The following ZNRF1 variants were observed in gnomAD, a reference collection of about 807,000 sequenced individuals.
ZNRF1 encodes E3 ubiquitin-protein ligase ZNRF1.
Under a neutral mutation model 18.4 loss-of-function variants are expected in ZNRF1, and 3 were observed. The observed-to-expected ratio is 0.16, with a 90% CI of 0.07 to 0.42. ZNRF1 has a LOEUF of 0.42. ZNRF1 is among the 10% of genes least tolerant of loss of function. The probability of loss-of-function intolerance (pLI) is 0.99; values close to 1 mark genes in which losing one functional copy is unlikely to be tolerated. For missense variants in ZNRF1, 310 were observed against 329.8 expected (o/e 0.94, Z 0.47); for synonymous variants, 157 against 144.2 (o/e 1.09, Z -0.64).
chr16:75,032,328 T>G (rs767374734), intron 1 of ZNRF1, among the ~76,000 whole-genome samples: 1 of 151,790 alleles, frequency 6.6e-6, no homozygotes, highest in Admixed American at 6.6e-5. Context: ...AGGCTGGTCT[T>G]GAACTCCTGA....
intron 1 of ZNRF1, among the ~76,000 whole-genome samples, chr16:75,063,621 A>G (rs1355339880): frequency 3.3e-5 from 5 of 152,236 alleles, no homozygotes; most frequent in Non-Finnish European, 7.3e-5. Context: ...ATCAAGGAAG[A>G]CACTGCGGGT....
intron 1 of ZNRF1, among the ~76,000 whole-genome samples, chr16:75,015,374 G>A (rs772497005): frequency 3.9e-5 from 6 of 152,094 alleles, no homozygotes; most frequent in Admixed American, 1.3e-4. Context: ...GAGGCGGTTC[G>A]AGACCAGCTT....
chr16:75,098,028 G>A (rs960056101), intron 2 of ZNRF1, among the ~76,000 whole-genome samples: 21 of 152,196 alleles, frequency 1.4e-4, no homozygotes, highest in African/African-American at 5.1e-4. Context: ...CCTTGCTTGG[G>A]GCATTGCCCA....
At chr16:75,028,388 G>T (rs1370700051) in intron 1 of ZNRF1, among the ~76,000 whole-genome samples, 1 of 152,150 alleles carries the variant, frequency 6.6e-6, no homozygotes, top group Non-Finnish European at 1.5e-5. Flanking sequence ...CTGTCTCCTG[G>T]GTTCAAGTGA....
chr16:75,100,407 C>T (rs867449700), intron 2 of ZNRF1, among the ~76,000 whole-genome samples: 1 of 152,222 alleles, frequency 6.6e-6, no homozygotes, highest in African/African-American at 2.4e-5. Flanking sequence ...TTCCCTTTCC[C>T]CTAGTGAGGT....
chr16:75,024,869 T>C (rs1396289562), intron 1 of ZNRF1, among the ~76,000 whole-genome samples: 3 of 152,220 alleles, frequency 2.0e-5, no homozygotes, highest in Non-Finnish European at 2.9e-5. Context: ...TAAACATTAA[T>C]GTAGAAAGCG....
At chr16:75,045,939 G>A (rs772187790) in intron 1 of ZNRF1, among the ~76,000 whole-genome samples, 10 of 151,556 alleles carry the variant, frequency 6.6e-5, no homozygotes, top group African/African-American at 1.5e-4. Context: ...TTTCACTCTC[G>A]TTGCCCAAGC....
At chr16:75,076,825 C>T (rs2035945636) in intron 1 of ZNRF1, among the ~76,000 whole-genome samples, 2 of 151,468 alleles carry the variant, frequency 1.3e-5, no homozygotes, top group South Asian at 2.1e-4. Context: ...ATTATTAGTG[C>T]CCCCAGAAGA....
intron 1 of ZNRF1, among the ~76,000 whole-genome samples, chr16:75,070,363 A>G (rs2035855673): frequency 6.6e-6 from 1 of 152,102 alleles, no homozygotes; most frequent in South Asian, 2.1e-4. Flanking sequence ...TTACTGCACC[A>G]TGGCCAAAGT....
intron 1 of ZNRF1, among the ~76,000 whole-genome samples, chr16:75,062,283 G>A (rs773738793): frequency 6.6e-6 from 1 of 152,206 alleles, no homozygotes; most frequent in African/African-American, 2.4e-5. Context: ...GCACAGCCCC[G>A]GGAGACGAAG....
chr16:75,085,875 A>G (rs984342430), intron 1 of ZNRF1, among the ~76,000 whole-genome samples: 9 of 149,968 alleles, frequency 6.0e-5, no homozygotes, highest in Non-Finnish European at 1.3e-4. Flanking sequence ...GGCTTACATG[A>G]TTATGGAAGC....
intron 1 of ZNRF1, among the ~76,000 whole-genome samples, chr16:75,010,440 G>T (rs1187595733): frequency 6.6e-6 from 1 of 152,132 alleles, no homozygotes; most frequent in Non-Finnish European, 1.5e-5. Flanking sequence ...TCAAAATAAA[G>T]AATTTAACGA....
At chr16:75,044,091 G>A (rs1456272927) in intron 1 of ZNRF1, among the ~76,000 whole-genome samples, 1 of 152,084 alleles carries the variant, frequency 6.6e-6, no homozygotes. Context: ...GGGAATACAG[G>A]TGTGAGCCAC....
chr16:75,009,200 T>C (rs1335485795), intron 1 of ZNRF1, among the ~76,000 whole-genome samples: 2 of 152,228 alleles, frequency 1.3e-5, no homozygotes, highest in African/African-American at 4.8e-5. Context: ...TATAAGTCTA[T>C]GTCTCTGAAC....
rs535684630 is a variant in ZNRF1, at chr16:75,006,674, G to A, written c.424+6579G>A. On this transcript the variant is annotated intron_variant, in intron 1 of 4. Transcript: ENST00000335325. ...TGGTCTCGAACTCCTGACCTCGGGT[G>A]ATCCACCTGCCTTGGCCTCCCAGAG... Among the ~76,000 whole-genome samples, 8 of 152,304 alleles carry A rather than the reference G, an allele frequency of 5.3e-5. No individual in the cohort carries two copies. In the South Asian group the frequency reaches 1.7e-3, roughly 32 times the overall value.
intron 2 of ZNRF1, among the ~76,000 whole-genome samples, chr16:75,098,202 G>T (rs780147601): frequency 3.3e-5 from 5 of 152,270 alleles, no homozygotes; most frequent in Admixed American, 1.3e-4. Context: ...CTGACTGCCA[G>T]ACTGGCCGCT....
At chr16:75,068,504 C>G (rs996090520) in intron 1 of ZNRF1, among the ~76,000 whole-genome samples, 20 of 152,226 alleles carry the variant, frequency 1.3e-4, no homozygotes, top group Non-Finnish European at 4.4e-5. Flanking sequence ...TCCATATCTA[C>G]TGCTCCTTTT....
rs2034810560 is a variant in ZNRF1, at chr16:74,999,659, G to C, written c.-13G>C. 11 of 1,333,300 alleles carry C rather than the reference G, an allele frequency of 8.3e-6. No homozygotes were observed. The highest frequency in any genetic ancestry group is 2.1e-5 in the South Asian group (1 of 48,390). 82.6% of individuals were successfully genotyped at this position (1,333,300 alleles called of 1,614,324 possible). A position where few individuals can be genotyped will look rare whatever the true frequency, so the allele number is the denominator to read the frequency against. On this transcript the variant is annotated 5_prime_UTR_variant, in exon 1 of 5. Transcript: ENST00000335325. ...GGCCTCCAGGTTCCCGCCCCACCGG[G>C]GCCCGGGCGAGCATGGGGGGCAAGC...
chr16:75,087,896 A>G (rs2036092573), intron 1 of ZNRF1, among the ~76,000 whole-genome samples: 1 of 151,948 alleles, frequency 6.6e-6, no homozygotes, highest in Admixed American at 6.5e-5. Context: ...CTGGCTGGCT[A>G]CTCCCCTGGC....
Sources: allele counts gnomAD v4.1 joint callset (sites outside exome capture counted in the v4.1 genomes callset), GRCh38; gene constraint gnomAD v4.1.1; transcripts MANE v1.5; gene names NCBI Gene and HGNC (gene_info 2026-07-23, HGNC 2026-07-21).